TCEA1: variants seen among roughly 807,000 people sequenced by gnomAD.
TCEA1 encodes the protein transcription elongation factor A1.
In TCEA1, 21 loss-of-function variants were observed where a neutral mutation model predicts 43.8. The observed-to-expected ratio is 0.48, with a 90% confidence interval of 0.34 to 0.69. The LOEUF (loss-of-function observed/expected upper bound fraction) is 0.69. Among genes scored for constraint, TCEA1 ranks in the 30% least tolerant of loss-of-function variants. The pLI is 0.01. For missense variants in TCEA1, 250 were observed against 365.1 expected, an observed-to-expected ratio of 0.68 and a Z score of 2.57; for synonymous variants, 104 against 117.5, an observed-to-expected ratio of 0.88 and a Z score of 0.75.
intron 9 of TCEA1, 80 bp from the exon 10 acceptor site, chr8:53,968,192 G>A: frequency 3.7e-6 from 4 of 1,067,866 alleles, no homozygotes; most frequent in Non-Finnish European, 5.2e-6. Context: ...GCATACACCT[G>A]ATATTGCTTT....
intron 3 of TCEA1, 141 bp downstream of exon 3, chr8:53,999,804 C>G (rs891388575): frequency 1.9e-5 from 12 of 625,590 alleles, no homozygotes; most frequent in Non-Finnish European, 3.0e-5. Context: ...CTCCCCTCGC[C>G]TTTATTACGA....
chr8:54,000,642 ATCTT>A (rs749512289), intron 2 of TCEA1, among the ~76,000 whole-genome samples: 1 of 152,184 alleles, frequency 6.6e-6, no homozygotes, highest in Non-Finnish European at 1.5e-5. Context: ...ACATTCATCA[ATCTT>A]TCTAACAACC....
rs999598558 is a variant in TCEA1 at position 53,967,522 on chromosome 8, A to C, written c.*582T>G. On this transcript the variant is annotated 3_prime_UTR_variant, in exon 10 of 10. Transcript: ENST00000521604. ...CAAGAAATGATGATCACGGTTAGTT[A>C]CAGATGCAAAATAATATCTAATATT... The C allele has an allele frequency of 1.0e-5, 2 of 199,974 alleles. No homozygotes were observed. The highest frequency in any genetic ancestry group is 4.6e-5 in the African/African-American group (2 of 43,518). 12.4% of individuals were successfully genotyped at this position (199,974 alleles called of 1,614,324 possible). A position where few individuals can be genotyped will look rare whatever the true frequency, so the allele number is the denominator to read the frequency against.
intron 6 of TCEA1, 81 bp downstream of exon 6, chr8:53,986,888 A>C (rs1027487436): frequency 2.6e-4 from 293 of 1,119,688 alleles, no homozygotes; most frequent in Non-Finnish European, 3.5e-4. Context: ...ACTGCATGTA[A>C]AACCGTGCCT....
chr8:53,976,990 G>C (rs555806415), intron 8 of TCEA1, among the ~76,000 whole-genome samples: 1 of 152,322 alleles, frequency 6.6e-6, no homozygotes, highest in East Asian at 1.9e-4. Flanking sequence ...AAAAGAGGCA[G>C]AAGCTCATAT....
chr8:54,009,498 G>A (rs1804581752), intron 2 of TCEA1, among the ~76,000 whole-genome samples: 1 of 152,076 alleles, frequency 6.6e-6, no homozygotes, highest in Non-Finnish European at 1.5e-5. Context: ...TTATAAAAAA[G>A]AATGAAATCA....
At chr8:53,992,035 G>A (rs1025831504) in intron 4 of TCEA1, among the ~76,000 whole-genome samples, 1 of 152,140 alleles carries the variant, frequency 6.6e-6, no homozygotes, top group African/African-American at 2.4e-5. Context: ...ACACGGGCTG[G>A]GTGCAGTGGC....
At chr8:53,977,697 T>TAA (rs1803373955) in intron 8 of TCEA1, among the ~76,000 whole-genome samples, 104 of 152,246 alleles carry the variant, frequency 6.8e-4, no homozygotes, top group African/African-American at 2.3e-3. Flanking sequence ...CAAATGAAAT[T>TAA]AAGACAGTGA....
In TCEA1 at chr8:53,972,891, G is replaced by C. The variant is rs1420942515; in HGVS notation, c.826-2428C>G. On this transcript the variant is annotated intron_variant, in intron 8 of 9. Coordinates refer to ENST00000521604, the MANE Select transcript of TCEA1 (RefSeq NM_006756.4). ...TATACCAGATGATACTACTTTTGATGATGAGCCGAAGGACGTAGCCTCAGA... is the reference window on the plus strand; with the variant it reads ...TATACCAGATGATACTACTTTTGATCATGAGCCGAAGGACGTAGCCTCAGA... 6 of 692,394 alleles carry C rather than the reference G, an allele frequency of 8.7e-6. No individual in the cohort carries two copies. The East Asian group carries it at 1.1e-4, about 12-fold the overall frequency. 42.9% of individuals were successfully genotyped at this position (692,394 alleles called of 1,614,324 possible). A position where few individuals can be genotyped will look rare whatever the true frequency, so the allele number is the denominator to read the frequency against.
intron 8 of TCEA1, chr8:53,973,643 G>T (rs1350898973): frequency 3.5e-6 from 2 of 566,178 alleles, no homozygotes; most frequent in Admixed American, 4.5e-5. Context: ...TGGAGCACCA[G>T]AACCTGAGCA....
At chr8:53,989,338 C>G (rs1803797114) in intron 4 of TCEA1, among the ~76,000 whole-genome samples, 1 of 152,180 alleles carries the variant, frequency 6.6e-6, no homozygotes, top group Non-Finnish European at 1.5e-5. Flanking sequence ...TACAATTAAG[C>G]TTTATCACAT....
At chr8:54,013,534 C>T (rs962686846) in intron 1 of TCEA1, among the ~76,000 whole-genome samples, 3 of 151,678 alleles carry the variant, frequency 2.0e-5, no homozygotes, top group South Asian at 2.1e-4. Context: ...CAAAAATTAG[C>T]GGGGCGTGGT....
chr8:53,994,654 G>C (rs915161970), intron 3 of TCEA1, among the ~76,000 whole-genome samples: 1 of 151,940 alleles, frequency 6.6e-6, no homozygotes, highest in Non-Finnish European at 1.5e-5. Context: ...AGATCACGAG[G>C]TCAGGAGATC....
At chr8:54,019,997 T>G (rs911252213) in intron 1 of TCEA1, among the ~76,000 whole-genome samples, 3 of 152,234 alleles carry the variant, frequency 2.0e-5, no homozygotes, top group Non-Finnish European at 4.4e-5. Flanking sequence ...TCTTCCAGAC[T>G]CATTACAAAA....
At chr8:53,998,178 C>G (rs1439312819) in intron 3 of TCEA1, among the ~76,000 whole-genome samples, 1 of 152,160 alleles carries the variant, frequency 6.6e-6, no homozygotes, top group Non-Finnish European at 1.5e-5. Context: ...CAGAAGGATA[C>G]ATGCCCCCAC....
At chr8:54,010,888 G>A (rs1804631713) in intron 1 of TCEA1, among the ~76,000 whole-genome samples, 1 of 151,608 alleles carries the variant, frequency 6.6e-6, no homozygotes, top group South Asian at 2.1e-4. Context: ...TCGGCTCACT[G>A]CAACCTTTGC....
At chr8:54,000,691 G>T (rs895395393) in intron 2 of TCEA1, among the ~76,000 whole-genome samples, 1 of 151,806 alleles carries the variant, frequency 6.6e-6, no homozygotes, top group Non-Finnish European at 1.5e-5. Context: ...TTTTAAAGAT[G>T]AAGAGATTGG....
chr8:53,995,254 G>A (rs1051329758), intron 3 of TCEA1, among the ~76,000 whole-genome samples: 10 of 141,724 alleles, frequency 7.1e-5, no homozygotes, highest in Admixed American at 1.5e-4. Context: ...GAGATTGTGC[G>A]ACTGCACTCC....
intron 2 of TCEA1, among the ~76,000 whole-genome samples, 200 bp from the exon 3 acceptor site, chr8:54,000,250 C>T (rs1586021277): frequency 6.6e-6 from 1 of 152,120 alleles, no homozygotes; most frequent in East Asian, 1.9e-4. Context: ...ATGTTCTTAT[C>T]ATCAAGATCT....
Sources: gnomAD v4.1 joint callset for allele counts (sites outside exome capture counted in the v4.1 genomes callset) on GRCh38, gnomAD v4.1.1 for gene constraint, MANE v1.5 for transcripts, NCBI Gene and HGNC (gene_info 2026-07-23, HGNC 2026-07-21) for gene names.